Variants in GSAP observed in about 807,000 individuals in gnomAD.
The protein encoded by GSAP is gamma-secretase-activating protein.
In GSAP, 118 loss-of-function variants were observed where a neutral mutation model predicts 131.7. The ratio of observed to expected loss-of-function variants is 0.90; its 90% CI spans 0.77 to 1.04. The LOEUF (loss-of-function observed/expected upper bound fraction) is 1.04. Among genes scored for constraint, GSAP ranks in the 50% least tolerant of loss-of-function variants. The pLI is 0.00. For missense variants in GSAP, 1,019 were observed against 1,013.2 expected (o/e 1.01, Z -0.08); for synonymous variants, 381 against 363.4 (o/e 1.05, Z -0.55).
At position 77,323,975 on chromosome 7, in the gene GSAP, A is replaced by G. The variant is rs1787984413; in HGVS notation, c.1828-233T>C. On this transcript the variant is annotated intron_variant, in intron 23 of 30. Coordinates refer to ENST00000257626, the MANE Select transcript of GSAP (RefSeq NM_017439.4). The stretch of plus-strand genomic sequence containing the variant: ...TGATTCACCCAAAGCCCCGTGAGCA[A>G]CTGCGAGTAAGGCTCTAACTCTGAC... Among the ~76,000 whole-genome samples, 3 of 152,314 alleles carry G rather than the reference A, an allele frequency of 2.0e-5. No individual in the cohort carries two copies. The South Asian group carries it at 6.2e-4, about 32-fold the overall frequency.
chr7:77,331,356 A>C lies in GSAP; in HGVS notation c.1546-989T>G, dbSNP rs75970626. 1.8e-3 allele frequency among the ~76,000 whole-genome samples: 278 copies of C among 152,348 alleles called. 1 individual carries two copies. Among genetic ancestry groups the C allele is most frequent in the African/African-American group, 6.5e-3 (270 of 41,584 alleles). Reference sequence around the variant, plus strand: ...TAGTGTTGAAGGATATTCTGACACAACTTGGTTTTAAACCAATAAAGGTAG... The same window carrying C: ...TAGTGTTGAAGGATATTCTGACACACCTTGGTTTTAAACCAATAAAGGTAG... On this transcript the variant is annotated intron_variant, in intron 19 of 30. Transcript: ENST00000257626.
At chr7:77,361,187 G>C (rs1028888525) in intron 13 of GSAP, among the ~76,000 whole-genome samples, 1 of 152,166 alleles carries the variant, frequency 6.6e-6, no homozygotes, top group African/African-American at 2.4e-5. Flanking sequence ...TTTACTTAAA[G>C]ATCCAAGAGA....
intron 25 of GSAP, 114 bp downstream of exon 25, chr7:77,321,219 G>C: frequency 1.4e-6 from 1 of 705,106 alleles, no homozygotes; most frequent in Admixed American, 2.0e-5. Flanking sequence ...AAGCTAGATG[G>C]TGTTGAAGCT....
chr7:77,350,472 G>A (rs145919010), intron 18 of GSAP, among the ~76,000 whole-genome samples: 1 of 150,030 alleles, frequency 6.7e-6, no homozygotes, highest in African/African-American at 2.5e-5. Flanking sequence ...GCAGTGGCTC[G>A]CGCCTGTAAT....
chr7:77,360,675 T>A, intron 14 of GSAP, 149 bp downstream of exon 14: 1 of 546,740 alleles, frequency 1.8e-6, no homozygotes, highest in South Asian at 2.2e-5. Flanking sequence ...GAGAAAATCT[T>A]CTCTCATCAG....
rs529755076 is a variant in GSAP, at chr7:77,338,185, T to A, written c.1546-7818A>T. On this transcript the variant is annotated intron_variant, in intron 19 of 30. Transcript: ENST00000257626. ...ATCTCAATCAATCAATCAATCAAAA[T>A]TTTTTAAAAATAACCATAAAATCAA... 1.7e-3 allele frequency among the ~76,000 whole-genome samples: 253 copies of A among 152,112 alleles called. 1 individual carries two copies. Among genetic ancestry groups the A allele is most frequent in the African/African-American group, 4.6e-3 (192 of 41,508 alleles).
intron 9 of GSAP, 55 bp from the exon 10 acceptor site, chr7:77,376,962 G>A: frequency 1.0e-6 from 1 of 992,878 alleles, no homozygotes. Context: ...AGAAAAGGAA[G>A]CAGTCAAGAA....
In GSAP at chr7:77,351,109, A is replaced by G. The variant is rs955045715; in HGVS notation, c.1492-1705T>C. On this transcript the variant is annotated intron_variant, in intron 18 of 30. Coordinates refer to ENST00000257626, the MANE Select transcript of GSAP (RefSeq NM_017439.4). ...GAATATTCCTGTAAAAAAGGGTATC[A>G]TGGGGACAGAGAAATAAGTTTTCAG... 1.8e-5 allele frequency: 18 copies of G among 974,166 alleles called. No homozygotes were observed. The African/African-American group carries it at 3.2e-4, about 17-fold the overall frequency. The allele number at this position is 974,166 out of a possible 1,614,324, so 60.3% of individuals were successfully genotyped here.
chr7:77,402,651 T>A (rs1283630483), intron 3 of GSAP, among the ~76,000 whole-genome samples: 5 of 99,518 alleles, frequency 5.0e-5, no homozygotes, highest in Admixed American at 1.1e-4. Flanking sequence ...GGTATACAAA[T>A]CCATTCCTTC....
chr7:77,371,204 G>T (rs750559408), intron 12 of GSAP, among the ~76,000 whole-genome samples: 1 of 151,952 alleles, frequency 6.6e-6, no homozygotes, highest in Admixed American at 6.6e-5. Context: ...CTCAGTAAAC[G>T]ACACTACTGT....
upstream of GSAP, chr7:77,416,545 T>A (rs935345478): frequency 7.7e-6 from 3 of 387,358 alleles, no homozygotes; most frequent in African/African-American, 6.3e-5. Context: ...GCACGGCGGG[T>A]AGCGGTGGGG....
chr7:77,401,883 A>G (rs1801378728), intron 3 of GSAP, among the ~76,000 whole-genome samples: 1 of 152,224 alleles, frequency 6.6e-6, no homozygotes, highest in South Asian at 2.1e-4. Context: ...ACACCAATAG[A>G]TCTTGTAGAA....
At chr7:77,344,943 C>CA (rs1562985706) in intron 19 of GSAP, among the ~76,000 whole-genome samples, 2 of 151,692 alleles carry the variant, frequency 1.3e-5, no homozygotes, top group Admixed American at 6.6e-5. Context: ...ACAACAACAA[C>CA]AAAAAAAGAA....
At chr7:77,359,417 A>G (rs1794223343) in intron 14 of GSAP, among the ~76,000 whole-genome samples, 1 of 152,180 alleles carries the variant, frequency 6.6e-6, no homozygotes, top group African/African-American at 2.4e-5. Context: ...TTATAAACAT[A>G]TCTTTCTTAC....
intron 19 of GSAP, among the ~76,000 whole-genome samples, chr7:77,334,766 A>C (rs1325859093): frequency 6.6e-6 from 1 of 152,028 alleles, no homozygotes; most frequent in Non-Finnish European, 1.5e-5. Flanking sequence ...AAAGCTTTAA[A>C]AATAAAACAC....
intron 9 of GSAP, 130 bp from the exon 10 acceptor site, chr7:77,377,037 C>A: frequency 1.5e-6 from 1 of 674,500 alleles, no homozygotes. Context: ...ATAATAATGT[C>A]AAAATCAAAT....
intron 29 of GSAP, 34 bp downstream of exon 29, chr7:77,312,049 GCAAACAGGATCCTAAAAA>G: frequency 7.9e-7 from 1 of 1,271,186 alleles, no homozygotes; most frequent in Non-Finnish European, 1.1e-6. Context: ...GTTGTCACGG[GCAAACAGGATCCTAAAAA>G]CATTTAGTTG....
intron 5 of GSAP, among the ~76,000 whole-genome samples, chr7:77,389,411 A>T (rs1799098581): frequency 6.6e-6 from 1 of 150,504 alleles, no homozygotes; most frequent in Non-Finnish European, 1.5e-5. Context: ...AGCATTAGGT[A>T]TATCTCCCAA....
At chr7:77,360,734 C>T (rs769713134) in intron 14 of GSAP, 90 bp downstream of exon 14, 1 of 696,680 alleles carries the variant, frequency 1.4e-6, no homozygotes, top group Non-Finnish European at 2.6e-6. Flanking sequence ...CTCAAAGAGG[C>T]ATGAGAAATG....
Sources: gnomAD v4.1 joint callset for allele counts (sites outside exome capture counted in the v4.1 genomes callset) on GRCh38, gnomAD v4.1.1 for gene constraint, MANE v1.5 for transcripts, NCBI Gene and HGNC (gene_info 2026-07-23, HGNC 2026-07-21) for gene names.